TTLL7: variants seen among roughly 807,000 people sequenced by gnomAD.
The protein encoded by TTLL7 is tubulin tyrosine ligase like 7, also known as tubulin polyglutamylase TTLL7.
A neutral mutation model predicts 120.2 loss-of-function variants in TTLL7; 53 were observed. The observed-to-expected ratio is 0.44, with a 90% CI of 0.35 to 0.55. The LOEUF is 0.55. Ranked by LOEUF, TTLL7 falls within the 20% of genes least tolerant of loss-of-function variation. The pLI is 0.00. For synonymous variants in TTLL7, 353 were observed against 351.7 expected, an observed-to-expected ratio of 1.00 and a Z score of -0.04; for missense variants, 803 against 1,054.7, an observed-to-expected ratio of 0.76 and a Z score of 3.31.
At chr1:83,975,661 T>C (rs1651401784) in intron 1 of TTLL7, among the ~76,000 whole-genome samples, 1 of 152,138 alleles carries the variant, frequency 6.6e-6, no homozygotes, top group East Asian at 1.9e-4. Context: ...GCTTTTTGAA[T>C]GGCAAATATG....
intron 20 of TTLL7, among the ~76,000 whole-genome samples, chr1:83,872,141 T>C (rs931759269): frequency 1.3e-5 from 2 of 152,188 alleles, no homozygotes; most frequent in Non-Finnish European, 2.9e-5. Context: ...GAACTTTCTA[T>C]AATATCCATA....
At chr1:83,908,056 A>G (rs1269870460) in intron 15 of TTLL7, among the ~76,000 whole-genome samples, 4 of 152,148 alleles carry the variant, frequency 2.6e-5, no homozygotes, top group Non-Finnish European at 5.9e-5. Context: ...AGGGATCTCC[A>G]TTGCCCAGAG....
rs1652845663 is a variant in TTLL7 at position 83,865,316 on chromosome 1, T to C, written c.*4646A>G. The C allele has an allele frequency of 6.6e-6, 1 of 152,070 alleles. No individual in the cohort carries two copies. The highest frequency in any genetic ancestry group is 2.4e-5 in the African/African-American group (1 of 41,446). 9.4% of individuals were successfully genotyped at this position (152,070 alleles called of 1,614,324 possible). A position where few individuals can be genotyped will look rare whatever the true frequency, so the allele number is the denominator to read the frequency against. On this transcript the variant is annotated 3_prime_UTR_variant, in exon 21 of 21. Transcript: ENST00000260505. ...TATTCAGATGTTGTAGCATGTACAG[T>C]AGTTATTGTATGAACTGAATAGCTC...
At chr1:83,960,231 A>C (rs1649893863) in intron 1 of TTLL7, among the ~76,000 whole-genome samples, 2 of 152,186 alleles carry the variant, frequency 1.3e-5, no homozygotes, top group African/African-American at 4.8e-5. Context: ...ACTCATAAGC[A>C]ATGTGAAGTC....
intron 15 of TTLL7, among the ~76,000 whole-genome samples, chr1:83,908,622 T>C (rs1459286518): frequency 6.6e-6 from 1 of 152,036 alleles, no homozygotes; most frequent in Non-Finnish European, 1.5e-5. Flanking sequence ...AAATTTTGAC[T>C]CCTGACACAG....
chr1:83,873,576 A>G (rs1335748639), intron 20 of TTLL7, among the ~76,000 whole-genome samples: 2 of 152,200 alleles, frequency 1.3e-5, no homozygotes, highest in Non-Finnish European at 2.9e-5. Context: ...GCCAAGGAGA[A>G]ATACCTCAGA....
chr1:83,922,191 CCA>C lies in TTLL7; in HGVS notation c.1143-799_1143-798del, dbSNP rs530663875. Among the ~76,000 whole-genome samples the C allele has an allele frequency of 8.0e-4, 121 of 152,106 alleles. 1 individual carries two copies. Among genetic ancestry groups the C allele is most frequent in the Middle Eastern group, 3.4e-3 (1 of 294 alleles). ...AGGAAAAGCAAGGCCAATTCTGACC[CCA>C]CCTTTAGAAGAAACAAACAAACAAA... On this transcript the variant is annotated intron_variant, in intron 10 of 20. Coordinates refer to ENST00000260505, the MANE Select transcript of TTLL7 (RefSeq NM_024686.6).
At chr1:83,923,491 G>A (rs577917788) in intron 10 of TTLL7, among the ~76,000 whole-genome samples, 227 of 152,060 alleles carry the variant, frequency 1.5e-3, no homozygotes, top group Middle Eastern at 6.8e-3. Context: ...AATATCTACA[G>A]CAAACAAAAC....
At chr1:83,923,455 GA>G (rs1261592063) in intron 10 of TTLL7, among the ~76,000 whole-genome samples, 2 of 151,772 alleles carry the variant, frequency 1.3e-5, no homozygotes, top group Admixed American at 1.3e-4. Context: ...AGTATTCTAT[GA>G]AAAAAATAAA....
intron 1 of TTLL7, among the ~76,000 whole-genome samples, chr1:83,975,823 A>G (rs1018140511): frequency 5.9e-5 from 9 of 152,118 alleles, no homozygotes; most frequent in African/African-American, 1.7e-4. Flanking sequence ...ATTCTAATGT[A>G]CTTTCTACTA....
At chr1:83,896,547 G>A (rs1004915640) in intron 18 of TTLL7, among the ~76,000 whole-genome samples, 2 of 152,188 alleles carry the variant, frequency 1.3e-5, no homozygotes, top group African/African-American at 4.8e-5. Context: ...ATGCAGCAGC[G>A]ATGGCTATAG....
chr1:83,988,373 C>G (rs1652676336), intron 1 of TTLL7, among the ~76,000 whole-genome samples: 1 of 152,148 alleles, frequency 6.6e-6, no homozygotes, highest in African/African-American at 2.4e-5. Flanking sequence ...TTTGGTAGAA[C>G]AACTTATTTT....
chr1:83,886,572 A>G (rs1654993153), intron 19 of TTLL7, among the ~76,000 whole-genome samples: 1 of 152,038 alleles, frequency 6.6e-6, no homozygotes, highest in Non-Finnish European at 1.5e-5. Context: ...ACGCCTTAGA[A>G]TATTCCTTAA....
intron 6 of TTLL7, chr1:83,946,401 C>T (rs1648511501): frequency 6.6e-6 from 1 of 152,128 alleles, no homozygotes; most frequent in Non-Finnish European, 1.5e-5. Context: ...TGAAAAAGTA[C>T]ATTGCAGAAA....
chr1:83,892,981 A>AGAGGG (rs1442966395), intron 18 of TTLL7, among the ~76,000 whole-genome samples: 9 of 144,576 alleles, frequency 6.2e-5, no homozygotes, highest in South Asian at 4.3e-4. Flanking sequence ...GAGAAAAAAG[A>AGAGGG]GAGGGGAGGG....
chr1:83,916,385 G>GC (rs746750170), intron 14 of TTLL7, among the ~76,000 whole-genome samples: 5 of 151,404 alleles, frequency 3.3e-5, no homozygotes, highest in Non-Finnish European at 5.9e-5. Context: ...GCAAACTATT[G>GC]CAAGGACAAA....
intron 6 of TTLL7, among the ~76,000 whole-genome samples, chr1:83,944,085 G>A (rs1326812669): frequency 6.6e-6 from 1 of 151,976 alleles, no homozygotes; most frequent in East Asian, 1.9e-4. Context: ...TTGAGGATAA[G>A]CCAACTGACA....
Position 83,919,629 on chromosome 1 carries a change from G to A in TTLL7, c.1500+70C>T, listed in dbSNP as rs959936478. 8 of 1,372,172 alleles carry A rather than the reference G, an allele frequency of 5.8e-6. No homozygotes were observed. In the East Asian group the frequency reaches 7.5e-5, roughly 13 times the overall value. The allele number at this position is 1,372,172 out of a possible 1,614,324, so 85.0% of individuals were successfully genotyped here. Reference sequence around the variant, plus strand: ...AAATGTTTTTATATGTCGGACCAAGGTGGCTTGTCTGTAAAGACATATTGT... The same window carrying A: ...AAATGTTTTTATATGTCGGACCAAGATGGCTTGTCTGTAAAGACATATTGT... On this transcript the variant is annotated intron_variant, in intron 13 of 20. Coordinates refer to ENST00000260505, the MANE Select transcript of TTLL7 (RefSeq NM_024686.6).
intron 10 of TTLL7, among the ~76,000 whole-genome samples, chr1:83,925,323 T>A (rs971605834): frequency 6.6e-5 from 10 of 152,244 alleles, no homozygotes; most frequent in Admixed American, 6.5e-5. Context: ...ATAATCTTCA[T>A]CCCAATGAAT....
Sources: gnomAD v4.1 joint callset for allele counts (sites outside exome capture counted in the v4.1 genomes callset) on GRCh38, gnomAD v4.1.1 for gene constraint, MANE v1.5 for transcripts, NCBI Gene and HGNC (gene_info 2026-07-23, HGNC 2026-07-21) for gene names.